The following ALDH1L1 variants were observed in gnomAD, a reference collection of about 807,000 sequenced individuals.
ALDH1L1 encodes the protein cytosolic 10-formyltetrahydrofolate dehydrogenase.
ALDH1L1 carries 68 observed loss-of-function variants against 101.1 expected under a neutral mutation model. The ratio of observed to expected loss-of-function variants is 0.67; its 90% CI spans 0.55 to 0.82. ALDH1L1 has a LOEUF of 0.82. Among genes scored for constraint, ALDH1L1 ranks in the 40% least tolerant of loss-of-function variants. The probability of loss-of-function intolerance (pLI) is 0.00; values close to 1 mark genes in which losing one functional copy is unlikely to be tolerated. For synonymous variants in ALDH1L1, 486 were observed against 470.8 expected (o/e 1.03, Z -0.42); for missense variants, 1,087 against 1,172.7 (o/e 0.93, Z 1.07).
intron 1 of ALDH1L1, among the ~76,000 whole-genome samples, chr3:126,193,520 C>T (rs1215432409): frequency 1.3e-5 from 2 of 152,294 alleles, no homozygotes; most frequent in East Asian, 3.9e-4. Context: ...CGTAGCACCA[C>T]TTTCAGTTAC....
chr3:126,180,215 G>A (rs1444151329), intron 1 of ALDH1L1: 2 of 163,868 alleles, frequency 1.2e-5, no homozygotes, highest in Non-Finnish European at 2.6e-5. Flanking sequence ...CGGCCGGCCA[G>A]ATCCTCGGCG....
intron 2 of ALDH1L1, 88 bp from the exon 3 acceptor site, chr3:126,158,727 G>T: frequency 7.8e-7 from 1 of 1,286,022 alleles, no homozygotes; most frequent in Non-Finnish European, 1.1e-6. Flanking sequence ...CAGCTCATAG[G>T]ACTTCTCTCC....
chr3:126,153,290 G>A lies in ALDH1L1; in HGVS notation c.858+154C>T, dbSNP rs2080841215. The A allele has an allele frequency of 2.6e-6, 3 of 1,170,926 alleles. No homozygotes were observed. In the South Asian group the frequency reaches 3.9e-5, roughly 15 times the overall value. The allele number at this position is 1,170,926 out of a possible 1,614,324, so 72.5% of individuals were successfully genotyped here. ...ACACCCTGTGCTCAGGACCAGCCGGGTGGTCAGGGACAAATCAGGGTCAGT... is the reference window on the plus strand; with the variant it reads ...ACACCCTGTGCTCAGGACCAGCCGGATGGTCAGGGACAAATCAGGGTCAGT... On this transcript the variant is annotated intron_variant, in intron 7 of 22. Transcript: ENST00000393434.
chr3:126,178,123 T>C (rs970880760), intron 1 of ALDH1L1, among the ~76,000 whole-genome samples: 1 of 152,146 alleles, frequency 6.6e-6, no homozygotes, highest in Non-Finnish European at 1.5e-5. Context: ...GGTTCATGCC[T>C]GTAATCCCAG....
intron 9 of ALDH1L1, 128 bp downstream of exon 9, chr3:126,146,707 C>T (rs1350186687): frequency 6.2e-6 from 6 of 972,206 alleles, no homozygotes; most frequent in African/African-American, 1.7e-5. Flanking sequence ...CACACTGGCC[C>T]TTCCTGGGTC....
At chr3:126,126,580 C>T (rs920667370) in intron 14 of ALDH1L1, among the ~76,000 whole-genome samples, 2 of 121,908 alleles carry the variant, frequency 1.6e-5, no homozygotes, top group African/African-American at 2.7e-5. Flanking sequence ...GGGGAGCTGC[C>T]CCACACCCCA....
intron 1 of ALDH1L1, among the ~76,000 whole-genome samples, chr3:126,187,013 C>A (rs771127002): frequency 5.6e-4 from 86 of 152,272 alleles, no homozygotes; most frequent in Non-Finnish European, 1.1e-3. Context: ...CAGGAACAGG[C>A]ACCCAGGGCT....
rs181235156 is a variant in ALDH1L1 at position 126,173,921 on chromosome 3, A to G, written c.-24+6555T>C. The stretch of plus-strand genomic sequence containing the variant: ...GCAGACATAATACTCCTTAATATGT[A>G]TGTGCCTAACAACAGTGCTAAAATG... On this transcript the variant is annotated intron_variant, in intron 1 of 22. Transcript: ENST00000393434. Among the ~76,000 whole-genome samples the G allele has an allele frequency of 2.0e-3, 306 of 152,382 alleles. 2 individuals are homozygous for G. The highest frequency in any genetic ancestry group is 0.017 in the Admixed American group (257 of 15,310).
At chr3:126,138,506 C>A (rs549771297) in intron 9 of ALDH1L1, among the ~76,000 whole-genome samples, 1 of 152,122 alleles carries the variant, frequency 6.6e-6, no homozygotes, top group Non-Finnish European at 1.5e-5. Flanking sequence ...GAAATATGGA[C>A]GGCAAATAAG....
At chr3:126,117,865 T>G in intron 17 of ALDH1L1, 140 bp downstream of exon 17, 1 of 828,596 alleles carries the variant, frequency 1.2e-6, no homozygotes, top group Non-Finnish European at 1.9e-6. Context: ...CTCTTCAGCG[T>G]TTGCATAGAG....
intron 3 of ALDH1L1, 81 bp downstream of exon 3, chr3:126,158,324 T>C (rs1576472095): frequency 5.2e-6 from 7 of 1,342,222 alleles, no homozygotes; most frequent in East Asian, 5.1e-5. Flanking sequence ...TAGAAATGCT[T>C]TGGGCTAATG....
chr3:126,188,187 CTGT>C (rs2081532020), intron 1 of ALDH1L1, among the ~76,000 whole-genome samples: 1 of 152,210 alleles, frequency 6.6e-6, no homozygotes, highest in Non-Finnish European at 1.5e-5. Flanking sequence ...CAGGTTGGAC[CTGT>C]GCGGGTCCAT....
intron 1 of ALDH1L1, among the ~76,000 whole-genome samples, chr3:126,187,030 G>T (rs1179374518): frequency 6.6e-6 from 1 of 152,142 alleles, no homozygotes. Context: ...GGCTGCTCAG[G>T]GGGAGCGGGG....
chr3:126,157,287 A>T (rs2080929448), intron 4 of ALDH1L1, 56 bp downstream of exon 4: 1 of 1,566,912 alleles, frequency 6.4e-7, no homozygotes, highest in Non-Finnish European at 8.7e-7. Flanking sequence ...GGGTCTAGGG[A>T]GGATGCTTGA....
rs547422607 is a variant in ALDH1L1, at chr3:126,137,931, T to A, written c.1106A>T (p.Asp369Val). 5.1e-5 allele frequency: 83 copies of A among 1,614,060 alleles called. 1 individual carries two copies. In the South Asian group the frequency reaches 5.9e-4, roughly 12 times the overall value. The change falls in exon 10 of 23, where the codon GAT (aspartate) becomes GTT (valine). Residue 369 changes from aspartate to valine, a missense_variant. Physicochemically the swap from Asp to Val is radical, Grantham distance 152 (BLOSUM62 -3). Around this residue, in one of 2 missense-constraint regions of ALDH1L1, gnomAD observed 645 missense variants for 637.0 expected, o/e 1.01. Coordinates refer to ENST00000393434, the MANE Select transcript of ALDH1L1 (RefSeq NM_012190.4). ...RLVEEVKELC[D>V]GLELENEDVY... ...ATCTTCATTTTCTAACTCCAGGCCA[T>A]CACACAGCTCCTTCACTTCCTCCAC... is the stretch of plus-strand genomic sequence containing the variant.
chr3:126,163,382 A>G (rs1414423837), intron 1 of ALDH1L1, among the ~76,000 whole-genome samples: 3 of 152,178 alleles, frequency 2.0e-5, no homozygotes, highest in African/African-American at 2.4e-5. Flanking sequence ...AAATCATGTT[A>G]TGATGTTGGT....
intron 1 of ALDH1L1, among the ~76,000 whole-genome samples, chr3:126,196,118 T>TA (rs1001388541): frequency 3.3e-5 from 5 of 151,420 alleles, no homozygotes; most frequent in Non-Finnish European, 4.4e-5. Context: ...TAATAAAAAA[T>TA]AAAAAAAAGA....
chr3:126,179,958 AC>A (rs1187973089), intron 1 of ALDH1L1: 2 of 152,158 alleles, frequency 1.3e-5, no homozygotes, highest in African/African-American at 4.8e-5. Context: ...CTGAGCGCTC[AC>A]GTCGACCCCT....
chr3:126,186,954 G>C (rs377036696), intron 1 of ALDH1L1, among the ~76,000 whole-genome samples: 2 of 152,212 alleles, frequency 1.3e-5, no homozygotes, highest in Admixed American at 1.3e-4. Flanking sequence ...GAAACTGCAC[G>C]GACGCTGGGA....
Sources: allele counts gnomAD v4.1 joint callset (sites outside exome capture counted in the v4.1 genomes callset), GRCh38; gene constraint gnomAD v4.1.1; regional missense constraint gnomAD v4.1.1; transcripts MANE v1.5; gene names NCBI Gene and HGNC (gene_info 2026-07-23, HGNC 2026-07-21).